The following BAZ1A variants were observed in gnomAD, a reference collection of about 807,000 sequenced individuals.
The protein encoded by BAZ1A is bromodomain adjacent to zinc finger domain 1A, also known as bromodomain adjacent to zinc finger domain protein 1A.
In BAZ1A, 50 loss-of-function variants were observed where a neutral mutation model predicts 185.2. That is an observed-to-expected ratio of 0.27 (90% CI 0.22 to 0.34). The LOEUF (loss-of-function observed/expected upper bound fraction) is 0.34, where lower values mean the gene tolerates loss of function less well. BAZ1A is among the 10% of genes least tolerant of loss of function. The pLI is 1.00. For synonymous variants in BAZ1A, 571 were observed against 615.6 expected (o/e 0.93, Z 1.07); for missense variants, 1,356 against 1,839.9 (o/e 0.74, Z 4.81).
chr14:34,833,158 C>A (rs1367641481), intron 3 of BAZ1A, among the ~76,000 whole-genome samples: 5 of 152,076 alleles, frequency 3.3e-5, no homozygotes. Flanking sequence ...GGGAAGATCG[C>A]TTGAGCCTGG....
chr14:34,833,400 C>T (rs936999587), intron 3 of BAZ1A, among the ~76,000 whole-genome samples: 7 of 152,022 alleles, frequency 4.6e-5, no homozygotes, highest in Non-Finnish European at 5.9e-5. Flanking sequence ...TGGTGGCGCG[C>T]GCCTATAATC....
intron 2 of BAZ1A, among the ~76,000 whole-genome samples, chr14:34,871,807 G>T (rs1039269568): frequency 2.0e-5 from 3 of 152,192 alleles, no homozygotes; most frequent in Non-Finnish European, 2.9e-5. Context: ...GGAGGCAGAG[G>T]TTGCAGTGAG....
intron 2 of BAZ1A, among the ~76,000 whole-genome samples, chr14:34,872,184 A>T (rs528913939): frequency 4.7e-4 from 72 of 152,352 alleles, no homozygotes; most frequent in Admixed American, 4.3e-3. Context: ...GACTGCTTGT[A>T]ATTTCCAAAA....
chr14:34,795,351 G>A (rs1881127918), intron 10 of BAZ1A, among the ~76,000 whole-genome samples: 1 of 152,140 alleles, frequency 6.6e-6, no homozygotes, highest in African/African-American at 2.4e-5. Context: ...GGACACTTTG[G>A]CCATTTCTGG....
intron 3 of BAZ1A, among the ~76,000 whole-genome samples, chr14:34,855,661 G>A (rs1410995836): frequency 6.6e-6 from 1 of 152,154 alleles, no homozygotes; most frequent in Non-Finnish European, 1.5e-5. Flanking sequence ...GGAAAACCAA[G>A]GCTAGCAGAC....
intron 3 of BAZ1A, among the ~76,000 whole-genome samples, chr14:34,841,337 T>C (rs529415316): frequency 1.3e-5 from 2 of 152,328 alleles, no homozygotes; most frequent in South Asian, 4.1e-4. Flanking sequence ...TACAATGCCC[T>C]TTATTCATTC....
intron 2 of BAZ1A, among the ~76,000 whole-genome samples, chr14:34,871,223 G>T (rs2042943900): frequency 2.0e-5 from 3 of 152,160 alleles, no homozygotes; most frequent in African/African-American, 4.8e-5. Flanking sequence ...CAAAATTAAA[G>T]AATATTTTTA....
At chr14:34,765,901 T>C (rs1878807527) in intron 21 of BAZ1A, among the ~76,000 whole-genome samples, 1 of 152,212 alleles carries the variant, frequency 6.6e-6, no homozygotes, top group Admixed American at 6.5e-5. Flanking sequence ...CACTTCAATC[T>C]TTAATATTGT....
At chr14:34,790,887 G>A (rs1880798651) in intron 12 of BAZ1A, among the ~76,000 whole-genome samples, 1 of 152,120 alleles carries the variant, frequency 6.6e-6, no homozygotes, top group Non-Finnish European at 1.5e-5. Context: ...CACTTTGGGA[G>A]GCCGAGGCGG....
intron 3 of BAZ1A, among the ~76,000 whole-genome samples, chr14:34,845,119 C>A (rs1001613374): frequency 1.3e-5 from 2 of 152,010 alleles, no homozygotes; most frequent in Admixed American, 1.3e-4. Flanking sequence ...CCAACTCCTG[C>A]TCGGAATTAT....
chr14:34,768,039 T>C (rs1348241762), intron 21 of BAZ1A, among the ~76,000 whole-genome samples: 1 of 152,162 alleles, frequency 6.6e-6, no homozygotes, highest in African/African-American at 2.4e-5. Flanking sequence ...GTATATACAA[T>C]TGATTCCATT....
chr14:34,839,839 C>CAAAAAAAAAAAAAAAAAAAAA (rs60954768), intron 3 of BAZ1A, among the ~76,000 whole-genome samples: 5 of 106,678 alleles, frequency 4.7e-5, no homozygotes, highest in Middle Eastern at 5.7e-3. Context: ...GCCTCTGTTT[C>CAAAAAAAAAAAAAAAAAAAAA]AAAAAAAAAA....
chr14:34,810,576 A>G (rs2041915732), intron 5 of BAZ1A, among the ~76,000 whole-genome samples: 1 of 152,172 alleles, frequency 6.6e-6, no homozygotes, highest in African/African-American at 2.4e-5. Flanking sequence ...TTTAGATAGA[A>G]GACTATTTGG....
intron 24 of BAZ1A, among the ~76,000 whole-genome samples, chr14:34,760,757 C>T (rs1397581945): frequency 6.6e-6 from 1 of 151,914 alleles, no homozygotes; most frequent in East Asian, 1.9e-4. Context: ...GAGGCTGGGG[C>T]TGGAGGATTG....
chr14:34,764,132 G>A (rs1878637312), intron 23 of BAZ1A, among the ~76,000 whole-genome samples: 1 of 152,018 alleles, frequency 6.6e-6, no homozygotes, highest in South Asian at 2.1e-4. Context: ...GTTTCCAGGT[G>A]CTAATGTGGC....
At chr14:34,787,363 A>ATAAAAAAGAAAAG (rs1555339671) in intron 12 of BAZ1A, among the ~76,000 whole-genome samples, 1 of 112,798 alleles carries the variant, frequency 8.9e-6, no homozygotes. Flanking sequence ...AAAAAAAAAA[A>ATAAAAAAGAAAAG]AAAAAGAAAA....
chr14:34,857,275 G>A (rs2042698393), intron 3 of BAZ1A, among the ~76,000 whole-genome samples: 1 of 151,708 alleles, frequency 6.6e-6, no homozygotes, highest in Non-Finnish European at 1.5e-5. Flanking sequence ...CAAAGTGCTG[G>A]GATTACAGGC....
At chr14:34,856,335 G>A (rs1030865562) in intron 3 of BAZ1A, among the ~76,000 whole-genome samples, 9 of 24,164 alleles carry the variant, frequency 3.7e-4, no homozygotes, top group Admixed American at 1.3e-3. Context: ...CACCTAGGCT[G>A]CAGCACAGTG....
chr14:34,754,784 G>T, intron 26 of BAZ1A, 43 bp downstream of exon 26: 2 of 1,368,590 alleles, frequency 1.5e-6, no homozygotes, highest in Non-Finnish European at 2.0e-6. Context: ...ATAACAAAAT[G>T]CCTTAGAAAA....
Sources: allele counts gnomAD v4.1 joint callset (sites outside exome capture counted in the v4.1 genomes callset), GRCh38; gene constraint gnomAD v4.1.1; transcripts MANE v1.5; gene names NCBI Gene and HGNC (gene_info 2026-07-23, HGNC 2026-07-21).